The following GPC6 variants were observed in gnomAD, a reference collection of about 807,000 sequenced individuals.
The protein encoded by GPC6 is glypican 6.
In GPC6, 14 loss-of-function variants were observed where a neutral mutation model predicts 55.2. The ratio of observed to expected loss-of-function variants is 0.25; its 90% CI spans 0.17 to 0.40. GPC6 has a LOEUF of 0.40. Ranked by LOEUF, GPC6 falls within the 10% of genes least tolerant of loss-of-function variation. The pLI is 1.00. For missense variants in GPC6, 641 were observed against 708.5 expected, an observed-to-expected ratio of 0.90 and a Z score of 1.08; for synonymous variants, 278 against 259.6, an observed-to-expected ratio of 1.07 and a Z score of -0.68.
In GPC6 at chr13:93,814,086, A is replaced by G. The variant is rs147480095; in HGVS notation, c.320-16068A>G. Among the ~76,000 whole-genome samples the G allele has an allele frequency of 2.9e-3, 442 of 152,270 alleles. 5 individuals carry two copies. Among genetic ancestry groups the G allele is most frequent in the African/African-American group, 1.0e-2 (414 of 41,568 alleles). ...TATTAGGAGGTATCTGCAGGCTCAT[A>G]TGTGGCAGAAGGTAATTTTAAATAA... On this transcript the variant is annotated intron_variant, in intron 2 of 8. Transcript: ENST00000377047.
intron 1 of GPC6, among the ~76,000 whole-genome samples, chr13:93,319,357 C>T (rs893670054): frequency 1.3e-5 from 2 of 151,874 alleles, no homozygotes; most frequent in East Asian, 1.9e-4. Flanking sequence ...GGGGAAAAAC[C>T]CACTAAAAAG....
chr13:93,746,489 G>A (rs1884404399), intron 2 of GPC6, among the ~76,000 whole-genome samples: 1 of 152,080 alleles, frequency 6.6e-6, no homozygotes, highest in African/African-American at 2.4e-5. Flanking sequence ...ACCACTCAGA[G>A]AACCCTAGAG....
At chr13:93,798,918 C>CAAAAAAA (rs57665046) in intron 2 of GPC6, among the ~76,000 whole-genome samples, 17,855 of 85,382 alleles carry the variant, frequency 0.21, 2,030 homozygotes, top group Non-Finnish European at 0.26. Flanking sequence ...GACTCTGTCT[C>CAAAAAAA]AAAAAAAAAA....
At chr13:93,444,467 T>C (rs1877924227) in intron 1 of GPC6, among the ~76,000 whole-genome samples, 1 of 151,814 alleles carries the variant, frequency 6.6e-6, no homozygotes, top group South Asian at 2.1e-4. Context: ...ATTAGCCGGG[T>C]GTGGTGGCAT....
At chr13:93,283,940 C>A (rs992367127) in intron 1 of GPC6, among the ~76,000 whole-genome samples, 2 of 152,110 alleles carry the variant, frequency 1.3e-5, no homozygotes, top group Non-Finnish European at 1.5e-5. Flanking sequence ...ATTTCACATT[C>A]CTTTTGGAAA....
chr13:94,312,482 A>T (rs1291046576), intron 6 of GPC6, among the ~76,000 whole-genome samples: 2 of 152,196 alleles, frequency 1.3e-5, no homozygotes, highest in African/African-American at 4.8e-5. Flanking sequence ...ACTGTTGGTT[A>T]TAAGAAATCA....
At chr13:93,284,723 A>G (rs1203539525) in intron 1 of GPC6, among the ~76,000 whole-genome samples, 2 of 152,226 alleles carry the variant, frequency 1.3e-5, no homozygotes, top group African/African-American at 4.8e-5. Flanking sequence ...ATATTCAGTG[A>G]GTGCCTACTG....
chr13:94,261,476 T>A (rs1196879908), intron 4 of GPC6, among the ~76,000 whole-genome samples: 1 of 152,204 alleles, frequency 6.6e-6, no homozygotes, highest in Non-Finnish European at 1.5e-5. Context: ...TGGTTACCTA[T>A]AAATAAGGAT....
chr13:93,330,038 A>G (rs1382022610), intron 1 of GPC6, among the ~76,000 whole-genome samples: 3 of 152,250 alleles, frequency 2.0e-5, no homozygotes, highest in Admixed American at 6.5e-5. Context: ...GAACAAGAAT[A>G]AAGACCAAAG....
chr13:94,131,814 G>A (rs1268718797), intron 4 of GPC6, among the ~76,000 whole-genome samples: 1 of 152,012 alleles, frequency 6.6e-6, no homozygotes, highest in Non-Finnish European at 1.5e-5. Context: ...TCAAATGGTG[G>A]GCCTAAGGAT....
chr13:93,291,380 GT>G (rs1381477022), intron 1 of GPC6, among the ~76,000 whole-genome samples: 1 of 152,088 alleles, frequency 6.6e-6, no homozygotes, highest in Non-Finnish European at 1.5e-5. Flanking sequence ...ATACAGTGCT[GT>G]TTTGCCTTGC....
intron 4 of GPC6, among the ~76,000 whole-genome samples, chr13:94,210,387 C>T (rs1392116824): frequency 1.3e-5 from 2 of 151,126 alleles, no homozygotes; most frequent in Non-Finnish European, 3.0e-5. Flanking sequence ...AAACTCCTAA[C>T]CTCAGGTGAT....
intron 4 of GPC6, among the ~76,000 whole-genome samples, chr13:94,174,891 C>A (rs919712272): frequency 6.6e-6 from 1 of 152,170 alleles, no homozygotes; most frequent in South Asian, 2.1e-4. Context: ...GTGCACTAAT[C>A]TCATGTGTGC....
chr13:93,965,079 T>C (rs990593368), intron 3 of GPC6, among the ~76,000 whole-genome samples: 1 of 150,826 alleles, frequency 6.6e-6, no homozygotes, highest in South Asian at 2.1e-4. Context: ...ATAAAGTTAG[T>C]AAGTATTTGG....
At chr13:93,883,560 T>C (rs1163843073) in intron 3 of GPC6, among the ~76,000 whole-genome samples, 1 of 151,804 alleles carries the variant, frequency 6.6e-6, no homozygotes, top group South Asian at 2.1e-4. Context: ...ATTAGTGATG[T>C]TGAGCATTTT....
chr13:93,670,470 G>T (rs1489516471), intron 2 of GPC6, among the ~76,000 whole-genome samples: 1 of 152,154 alleles, frequency 6.6e-6, no homozygotes, highest in Non-Finnish European at 1.5e-5. Flanking sequence ...GCATCATAAT[G>T]TATACACATG....
At chr13:94,221,894 A>G (rs1182652124) in intron 4 of GPC6, among the ~76,000 whole-genome samples, 2 of 152,088 alleles carry the variant, frequency 1.3e-5, no homozygotes, top group African/African-American at 4.8e-5. Flanking sequence ...CAGCCATTGG[A>G]TATCATTAAT....
At chr13:93,391,639 C>G (rs1022378006) in intron 1 of GPC6, among the ~76,000 whole-genome samples, 5 of 152,114 alleles carry the variant, frequency 3.3e-5, no homozygotes, top group African/African-American at 1.2e-4. Context: ...TCAACATGCA[C>G]TTCTTGCCAT....
At chr13:93,764,613 A>AC (rs1356229725) in intron 2 of GPC6, among the ~76,000 whole-genome samples, 20 of 143,730 alleles carry the variant, frequency 1.4e-4, no homozygotes, top group East Asian at 1.2e-3. Flanking sequence ...CACACACACC[A>AC]CACACACTCA....
Sources: gnomAD v4.1 joint callset for allele counts (sites outside exome capture counted in the v4.1 genomes callset) on GRCh38, gnomAD v4.1.1 for gene constraint, MANE v1.5 for transcripts, NCBI Gene and HGNC (gene_info 2026-07-23, HGNC 2026-07-21) for gene names.